The following PABPC1L variants were observed in gnomAD, a reference collection of about 807,000 sequenced individuals.
The protein encoded by PABPC1L is polyadenylate-binding protein 1-like.
In PABPC1L, 31 loss-of-function variants were observed where a neutral mutation model predicts 66.6. The observed-to-expected ratio is 0.47, with a 90% CI of 0.35 to 0.63. The LOEUF (loss-of-function observed/expected upper bound fraction) is 0.63. Ranked by LOEUF, PABPC1L falls within the 20% of genes least tolerant of loss-of-function variation. PABPC1L has a pLI of 0.00. For synonymous variants in PABPC1L, 348 were observed against 335.1 expected, an observed-to-expected ratio of 1.04 and a Z score of -0.42; for missense variants, 722 against 848.8, an observed-to-expected ratio of 0.85 and a Z score of 1.86.
chr20:44,914,204 CTTTT>C (rs1201412446), intron 2 of PABPC1L, among the ~76,000 whole-genome samples: 2 of 114,370 alleles, frequency 1.7e-5, no homozygotes, highest in African/African-American at 3.6e-5. Context: ...TGTGTCAGAA[CTTTT>C]TTTTTTTTTT....
intron 6 of PABPC1L, among the ~76,000 whole-genome samples, chr20:44,922,665 C>T (rs984916579): frequency 6.6e-5 from 10 of 152,232 alleles, no homozygotes; most frequent in Non-Finnish European, 1.2e-4. Context: ...GCCACCACGC[C>T]TGGCCCCCTC....
chr20:44,931,973 A>G (rs2066863633), intron 8 of PABPC1L: 1 of 161,426 alleles, frequency 6.2e-6, no homozygotes, highest in South Asian at 2.0e-4. Context: ...TTGGGAAAGG[A>G]CCTCGTGGGA....
intron 7 of PABPC1L, among the ~76,000 whole-genome samples, chr20:44,928,864 CAAAAAAAAAA>C (rs10597679): frequency 7.4e-5 from 4 of 54,360 alleles, no homozygotes; most frequent in Admixed American, 5.7e-4. Context: ...GATCCTGACT[CAAAAAAAAAA>C]AAAAAAAAAA....
rs758066186 is a variant in PABPC1L at position 44,918,998 on chromosome 20, C to T, written c.596C>T (p.Pro199Leu). Residue 199 changes from proline to leucine, a missense_variant, in exon 4 of 15, where the codon CCG becomes CTG. Around this residue, in one of 3 missense-constraint regions of PABPC1L, gnomAD observed 284 missense variants for 294.8 expected, o/e 0.96. Coordinates refer to ENST00000217073, the MANE Select transcript of PABPC1L (RefSeq NM_001372179.1). Reference protein sequence around the residue: ...EFTNIYVKNLPVDVDEQGLQD... With the variant: ...EFTNIYVKNLLVDVDEQGLQD... ...ACCAACATCTACGTGAAGAACCTCC[C>T]GGTGGATGTGGACGAGCAAGGCCTG... 11 of 1,613,622 alleles carry T rather than the reference C, an allele frequency of 6.8e-6. No homozygotes were observed. The highest frequency in any genetic ancestry group is 2.2e-5 in the South Asian group (2 of 90,966).
At position 44,916,867 on chromosome 20, in the gene PABPC1L, A is replaced by G; in HGVS notation, c.499A>G (p.Lys167Glu). 1.2e-6 allele frequency: 2 copies of G among 1,614,062 alleles called. No homozygotes were observed. The highest frequency in any genetic ancestry group is 1.7e-6 in the Non-Finnish European group (2 of 1,179,960). ...TMNGMLLNDR[K>E]VFVGHFKSRR... ...GAATGGGATGCTGCTGAATGACCGC[A>G]AAGTGTGAGTGGCTGGGCCCGAGGG... Residue 167 changes from lysine (K) to glutamate (E), a missense_variant, in exon 3 of 15, where the codon AAA becomes GAA. By Grantham distance (56) the Lys-to-Glu change is moderately conservative. Coordinates refer to ENST00000217073, the MANE Select transcript of PABPC1L (RefSeq NM_001372179.1).
Position 44,910,302 on chromosome 20 carries a change from C to G in PABPC1L, c.159C>G (p.Gly53=), listed in dbSNP as rs1257193106. 6.5e-7 allele frequency: 1 copy of G among 1,540,662 alleles called. No individual in the cohort carries two copies. Among genetic ancestry groups the G allele is most frequent in the African/African-American group, 1.4e-5 (1 of 71,992 alleles). The change falls in exon 1 of 15, where the codon GGC becomes GGG. Residue 53 remains glycine (G), a synonymous_variant. Coordinates refer to ENST00000217073, the MANE Select transcript of PABPC1L (RefSeq NM_001372179.1). ...ATGTAGCCACCCGGCGCTCGCTGGGCTACGCCTACATCAACTTCCAGCAGC... is the reference window on the plus strand; with the variant it reads ...ATGTAGCCACCCGGCGCTCGCTGGGGTACGCCTACATCAACTTCCAGCAGC... The part of the protein sequence containing the change: ...CRDVATRRSL[G]YAYINFQQPA...
chr20:44,929,669 C>T lies in PABPC1L; in HGVS notation c.973-791C>T, dbSNP rs191193918. On this transcript the variant is annotated intron_variant, in intron 7 of 14. Coordinates refer to ENST00000217073, the MANE Select transcript of PABPC1L (RefSeq NM_001372179.1). The stretch of plus-strand genomic sequence containing the variant: ...AATTAGCCAGGTGTGGTGGCACACG[C>T]CTGTAGTCCCATCTACCCAGGAGGC... Among the ~76,000 whole-genome samples, 583 of 151,984 alleles carry T rather than the reference C, an allele frequency of 3.8e-3. 3 individuals are homozygous for T. The highest frequency in any genetic ancestry group is 0.018 in the South Asian group (88 of 4,800).
At chr20:44,929,508 C>T (rs1248151073) in intron 7 of PABPC1L, among the ~76,000 whole-genome samples, 1 of 151,944 alleles carries the variant, frequency 6.6e-6, no homozygotes, top group Non-Finnish European at 1.5e-5. Flanking sequence ...GAAAGATATA[C>T]AGCAGGCCAG....
chr20:44,938,947 G>T (rs1380325588), intron 14 of PABPC1L, among the ~76,000 whole-genome samples, 179 bp from the exon 15 acceptor site: 1 of 152,238 alleles, frequency 6.6e-6, no homozygotes, highest in African/African-American at 2.4e-5. Context: ...GGTGAAGGAG[G>T]TGCCCTCTTG....
At chr20:44,925,914 A>C (rs73296543) in intron 7 of PABPC1L, among the ~76,000 whole-genome samples, 1,830 of 152,262 alleles carry the variant, frequency 0.012, 31 homozygotes, top group African/African-American at 0.039. Flanking sequence ...AGCTGTAGAA[A>C]CTGAGGCAAG....
At chr20:44,919,102 G>T (rs2066756479) in intron 4 of PABPC1L, 57 bp downstream of exon 4, 1 of 1,612,826 alleles carries the variant, frequency 6.2e-7, no homozygotes, top group East Asian at 2.2e-5. Flanking sequence ...CCCTTCCAAA[G>T]TCTGGTAGGG....
In PABPC1L at chr20:44,922,310, T is replaced by C. The variant is rs144025021; in HGVS notation, c.876+579T>C. Among the ~76,000 whole-genome samples, 785 of 152,292 alleles carry C rather than the reference T, an allele frequency of 5.2e-3. 5 individuals are homozygous for C. The highest frequency in any genetic ancestry group is 0.018 in the African/African-American group (739 of 41,550). The stretch of plus-strand genomic sequence containing the variant: ...CCCAGGCTGGAGTGCAGTGGCATGA[T>C]CTTGGTTCACTGCAACCTCTCACTC... On this transcript the variant is annotated intron_variant, in intron 6 of 14. Transcript: ENST00000217073.
chr20:44,920,058 A>G (rs1172779487), intron 5 of PABPC1L, among the ~76,000 whole-genome samples: 1 of 152,048 alleles, frequency 6.6e-6, no homozygotes, highest in Non-Finnish European at 1.5e-5. Flanking sequence ...TTTTCTGTAT[A>G]CCCCATTCCC....
At chr20:44,922,805 G>A (rs530214253) in intron 6 of PABPC1L, among the ~76,000 whole-genome samples, 1 of 152,214 alleles carries the variant, frequency 6.6e-6, no homozygotes, top group Non-Finnish European at 1.5e-5. Flanking sequence ...GGGACATTTG[G>A]CAATGTCTAG....
intron 1 of PABPC1L, among the ~76,000 whole-genome samples, chr20:44,911,325 A>T (rs2066703416): frequency 6.6e-6 from 1 of 152,120 alleles, no homozygotes; most frequent in Non-Finnish European, 1.5e-5. Context: ...ATAGCTGGGC[A>T]TGATGGCGGA....
intron 5 of PABPC1L, among the ~76,000 whole-genome samples, chr20:44,920,147 T>G (rs2066763400): frequency 6.6e-6 from 1 of 152,202 alleles, no homozygotes; most frequent in Non-Finnish European, 1.5e-5. Flanking sequence ...TCACTTACTT[T>G]GACACATCAT....
At chr20:44,935,281 C>T in intron 10 of PABPC1L, 110 bp from the exon 11 acceptor site, 1 of 767,450 alleles carries the variant, frequency 1.3e-6, no homozygotes, top group Non-Finnish European at 2.2e-6. Context: ...TCTTTACATT[C>T]TTGTCAACGC....
At chr20:44,924,280 G>A in intron 7 of PABPC1L, 24 bp downstream of exon 7, 2 of 1,548,828 alleles carry the variant, frequency 1.3e-6, no homozygotes, top group Non-Finnish European at 1.8e-6. Flanking sequence ...GCACCTCCGG[G>A]GGACAGCGTT....
chr20:44,921,572 T>C, intron 5 of PABPC1L, 22 bp from the exon 6 acceptor site: 1 of 1,613,132 alleles, frequency 6.2e-7, no homozygotes, highest in Non-Finnish European at 8.5e-7. Context: ...TTACCAAGCA[T>C]GTTCCCTCCT....
Sources: gnomAD v4.1 joint callset for allele counts (sites outside exome capture counted in the v4.1 genomes callset) on GRCh38, gnomAD v4.1.1 for gene constraint, gnomAD v4.1.1 regional missense constraint, MANE v1.5 for transcripts, NCBI Gene and HGNC (gene_info 2026-07-23, HGNC 2026-07-21) for gene names.